The following SUPT7L variants were observed in gnomAD, a reference collection of about 807,000 sequenced individuals.
SUPT7L encodes STAGA complex 65 subunit gamma.
Under a neutral mutation model 35.7 loss-of-function variants are expected in SUPT7L, and 15 were observed. The observed-to-expected ratio is 0.42, with a 90% confidence interval of 0.28 to 0.65. SUPT7L has a LOEUF of 0.65. SUPT7L is among the 30% of genes least tolerant of loss of function. The probability of loss-of-function intolerance (pLI) is 0.23; values close to 1 mark genes in which losing one functional copy is unlikely to be tolerated. For missense variants in SUPT7L, 434 were observed against 522.2 expected, an observed-to-expected ratio of 0.83 and a Z score of 1.65; for synonymous variants, 168 against 186.2, an observed-to-expected ratio of 0.90 and a Z score of 0.79.
rs1674569789 is a variant in SUPT7L at position 27,651,833 on chromosome 2, A to T, written c.*1652T>A. On this transcript the variant is annotated 3_prime_UTR_variant, in exon 6 of 6. Transcript: ENST00000337768. ...TGCCTAATCGCCACTTTCATTATAA[A>T]CAAAGGAAAATGAAGATAAGACTGC... 1 of 152,238 alleles carries T rather than the reference A, an allele frequency of 6.6e-6. No individual in the cohort carries two copies. Among genetic ancestry groups the T allele is most frequent in the African/African-American group, 2.4e-5 (1 of 41,470 alleles). The allele number at this position is 152,238 out of a possible 1,614,324, so 9.4% of individuals were successfully genotyped here. A position where few individuals can be genotyped will look rare whatever the true frequency, so the allele number is the denominator to read the frequency against.
chr2:27,653,439 C>T lies in SUPT7L; in HGVS notation c.*46G>A. ...ACAGATTCTAATACAAAAACCTTTT[C>T]TGTTGGGTCTAGTAGGTCTGGACAA... On this transcript the variant is annotated 3_prime_UTR_variant, in exon 6 of 6. Coordinates refer to ENST00000337768, the MANE Select transcript of SUPT7L (RefSeq NM_014860.3). 1.8e-5 allele frequency: 28 copies of T among 1,570,644 alleles called. No individual in the cohort carries two copies. The highest frequency in any genetic ancestry group is 2.4e-5 in the Non-Finnish European group (28 of 1,160,426).
At chr2:27,647,691 T>C (rs912366700), downstream of SUPT7L, 2 of 586,790 alleles carry the variant, frequency 3.4e-6, no homozygotes, top group African/African-American at 3.7e-5. Context: ...TTAAGTGGTA[T>C]TAACAATACA....
At chr2:27,644,101 G>A in the SUPT7L span, among the ~76,000 whole-genome samples, 2 of 152,078 alleles carry the variant, frequency 1.3e-5, no homozygotes, top group Non-Finnish European at 2.9e-5. Context: ...CTTGAACCCG[G>A]GAGGCAGAAG....
chr2:27,645,210 G>C, the SUPT7L span, among the ~76,000 whole-genome samples: 2 of 152,054 alleles, frequency 1.3e-5, no homozygotes, highest in African/African-American at 4.8e-5. Context: ...GCCTCAGGCA[G>C]TCCTCCTGTC....
intron 1 of SUPT7L, among the ~76,000 whole-genome samples, 166 bp downstream of exon 1, chr2:27,663,163 G>C (rs1282321180): frequency 6.6e-6 from 1 of 152,002 alleles, no homozygotes; most frequent in East Asian, 1.9e-4. Flanking sequence ...CAGAGTGAGG[G>C]CTGAGGCCTA....
the SUPT7L span, chr2:27,642,574 T>G: frequency 1.0e-6 from 1 of 983,120 alleles, no homozygotes; most frequent in Non-Finnish European, 1.6e-6. Context: ...CTTCTTTCTT[T>G]TATTTATTTA....
Position 27,661,064 on chromosome 2 carries a change from A to C in SUPT7L, c.339T>G (p.Asp113Glu). Residue 113 changes from aspartate (D) to glutamate (E), a missense_variant, in exon 3 of 6, where the codon GAT becomes GAG. Transcript: ENST00000337768. ...PSCPGSPPLP[D>E]DLLPLDCKNP... ...TCTTACAATCTAAAGGCAGGAGGTC[A>C]TCAGGGAGAGGAGGTGACCCAGGGC... 6.2e-7 allele frequency: 1 copy of C among 1,614,198 alleles called. No individual in the cohort carries two copies. Among genetic ancestry groups the C allele is most frequent in the South Asian group, 1.1e-5 (1 of 91,084 alleles).
At chr2:27,647,303 T>G (rs1463205194), downstream of SUPT7L, among the ~76,000 whole-genome samples, 1 of 152,248 alleles carries the variant, frequency 6.6e-6, no homozygotes, top group Non-Finnish European at 1.5e-5. Flanking sequence ...TTTTTCTGAA[T>G]AGGGAATTTT....
Position 27,653,190 on chromosome 2 carries a change from T to TATAAC in SUPT7L, c.*290_*294dup, listed in dbSNP as rs1572972412. 1 of 401,396 alleles carries TATAAC rather than the reference T, an allele frequency of 2.5e-6. No homozygotes were observed. The highest frequency in any genetic ancestry group is 4.6e-6 in the Non-Finnish European group (1 of 217,150). The allele number at this position is 401,396 out of a possible 1,614,324, so 24.9% of individuals were successfully genotyped here. ...CTCAGTTGTACAAGATAAATGGCTG[T>TATAAC]ATAACATGTCTAGTCATAGTTAAGA... On this transcript the variant is annotated 3_prime_UTR_variant, in exon 6 of 6. Transcript: ENST00000337768.
chr2:27,644,087 GTC>G, the SUPT7L span, among the ~76,000 whole-genome samples: 1 of 152,134 alleles, frequency 6.6e-6, no homozygotes, highest in Admixed American at 6.5e-5. Context: ...AGGCTGGAGA[GTC>G]TCTTGAACCC....
intron 5 of SUPT7L, 40 bp from the exon 6 acceptor site, chr2:27,653,787 T>C: frequency 6.2e-7 from 1 of 1,611,978 alleles, no homozygotes; most frequent in Non-Finnish European, 8.5e-7. Context: ...CAAGTGTATA[T>C]GTGTAGCCAA....
downstream of SUPT7L, chr2:27,647,744 CT>C: frequency 1.3e-6 from 1 of 746,460 alleles, no homozygotes; most frequent in South Asian, 1.6e-5. Context: ...ATCATGAGCA[CT>C]TTCATCCTGC....
chr2:27,652,389 C>T lies in SUPT7L; in HGVS notation c.*1096G>A, dbSNP rs1674598522. 1 of 152,294 alleles carries T rather than the reference C, an allele frequency of 6.6e-6. No homozygotes were observed. The highest frequency in any genetic ancestry group is 1.5e-5 in the Non-Finnish European group (1 of 68,034). The allele number at this position is 152,294 out of a possible 1,614,324, so 9.4% of individuals were successfully genotyped here. On this transcript the variant is annotated 3_prime_UTR_variant, in exon 6 of 6. Coordinates refer to ENST00000337768, the MANE Select transcript of SUPT7L (RefSeq NM_014860.3). ...TCTAAATTTTACAAGATATATTTTG[C>T]ATCAGAAAATCAAACTTCAGCAGTT...
At chr2:27,662,963 T>C (rs1381476491) in intron 1 of SUPT7L, among the ~76,000 whole-genome samples, 1 of 142,396 alleles carries the variant, frequency 7.0e-6, no homozygotes, top group East Asian at 2.0e-4. Flanking sequence ...TTTTTTTTTT[T>C]TTTTTGGCGA....
Position 27,652,577 on chromosome 2 carries a change from T to C in SUPT7L, c.*908A>G, listed in dbSNP as rs1428362724. ...CACAGTGATGTTGTTCAGGACATGA[T>C]GTAAAGTTGAAAGGTGCATATTGCT... On this transcript the variant is annotated 3_prime_UTR_variant, in exon 6 of 6. Transcript: ENST00000337768. 1 of 152,716 alleles carries C rather than the reference T, an allele frequency of 6.5e-6. No homozygotes were observed. The highest frequency in any genetic ancestry group is 1.5e-5 in the Non-Finnish European group (1 of 68,040). The allele number at this position is 152,716 out of a possible 1,614,324, so 9.5% of individuals were successfully genotyped here.
intron 1 of SUPT7L, 143 bp downstream of exon 1, chr2:27,663,186 A>G (rs185712655): frequency 1.3e-5 from 2 of 155,938 alleles, no homozygotes; most frequent in Admixed American, 1.2e-4. Flanking sequence ...GTCTTGCCCA[A>G]TGTCACAAAT....
In SUPT7L at chr2:27,660,728, C is replaced by A. The variant is rs145697887; in HGVS notation, c.419+256G>T. Among the ~76,000 whole-genome samples the A allele has an allele frequency of 2.6e-5, 4 of 152,014 alleles. No individual in the cohort carries two copies. The East Asian group carries it at 7.7e-4, about 29-fold the overall frequency. The stretch of plus-strand genomic sequence containing the variant: ...TGAGGCCATGGCCTTTTTTACATAC[C>A]AGTGTATTACCCTGCTCCTAGTAAA... On this transcript the variant is annotated intron_variant, in intron 3 of 5. Transcript: ENST00000337768.
At position 27,663,400 on chromosome 2, in the gene SUPT7L, G is replaced by T. The variant is rs772599486; in HGVS notation, c.-161C>A. The stretch of plus-strand genomic sequence containing the variant: ...TCCCTCCAGGGGTTTCCTCGGTCAC[G>T]GTCCGCCGGCGCAGGCGCCAATCAC... On this transcript the variant is annotated 5_prime_UTR_variant, in exon 1 of 6. Coordinates refer to ENST00000337768, the MANE Select transcript of SUPT7L (RefSeq NM_014860.3). The T allele has an allele frequency of 8.8e-6, 2 of 228,242 alleles. No homozygotes were observed. Among genetic ancestry groups the T allele is most frequent in the Non-Finnish European group, 1.8e-5 (2 of 113,128 alleles). The allele number at this position is 228,242 out of a possible 1,614,324, so 14.1% of individuals were successfully genotyped here.
intron 3 of SUPT7L, among the ~76,000 whole-genome samples, chr2:27,659,776 T>C (rs556752097): frequency 1.5e-4 from 23 of 152,306 alleles, no homozygotes; most frequent in Admixed American, 1.1e-3. Flanking sequence ...AATGTGTGCA[T>C]ATACAAGTAT....
Sources: gnomAD v4.1 joint callset for allele counts (sites outside exome capture counted in the v4.1 genomes callset) on GRCh38, gnomAD v4.1.1 for gene constraint, MANE v1.5 for transcripts, NCBI Gene and HGNC (gene_info 2026-07-23, HGNC 2026-07-21) for gene names.